CSGALNACT1: variants seen among roughly 807,000 people sequenced by gnomAD.
CSGALNACT1 encodes beta4GalNAcT-1.
Under a neutral mutation model 51.0 loss-of-function variants are expected in CSGALNACT1, and 52 were observed. The observed-to-expected ratio is 1.02, with a 90% CI of 0.82 to 1.29. The LOEUF (loss-of-function observed/expected upper bound fraction) is 1.29, where lower values mean the gene tolerates loss of function less well. Ranked by LOEUF, CSGALNACT1 falls within the 50% of genes most tolerant of loss-of-function variation. The probability of loss-of-function intolerance (pLI) is 0.00; values close to 1 mark genes in which losing one functional copy is unlikely to be tolerated. For missense variants in CSGALNACT1, 935 were observed against 679.2 expected (o/e 1.38, Z -4.19); for synonymous variants, 341 against 254.4 (o/e 1.34, Z -3.24).
chr8:19,471,972 C>T (rs2068293705), intron 4 of CSGALNACT1, among the ~76,000 whole-genome samples: 1 of 152,160 alleles, frequency 6.6e-6, no homozygotes, highest in Non-Finnish European at 1.5e-5. Flanking sequence ...TTTTCACCTT[C>T]ACTTCCTATT....
chr8:19,730,293 G>A lies in CSGALNACT1; in HGVS notation c.-297+27557C>T, dbSNP rs928827358. Among the ~76,000 whole-genome samples the A allele has an allele frequency of 2.6e-5, 4 of 152,134 alleles. No homozygotes were observed. In the East Asian group the frequency reaches 5.8e-4, roughly 22 times the overall value. ...TGAAGACCAAGATAGAACAACACTCGGGGAATAGGACACGTAGCTCCCTGG... is the reference window on the plus strand; with the variant it reads ...TGAAGACCAAGATAGAACAACACTCAGGGAATAGGACACGTAGCTCCCTGG... On this transcript the variant is annotated intron_variant, in intron 1 of 1. Transcript: ENST00000517494.
At chr8:19,584,590 T>G (rs984989660) in intron 3 of CSGALNACT1, among the ~76,000 whole-genome samples, 2 of 152,236 alleles carry the variant, frequency 1.3e-5, no homozygotes, top group African/African-American at 4.8e-5. Context: ...GCATAAAGTA[T>G]TGCTAATAAA....
chr8:19,469,775 G>A (rs558485767), intron 4 of CSGALNACT1, among the ~76,000 whole-genome samples: 4 of 152,168 alleles, frequency 2.6e-5, no homozygotes, highest in Non-Finnish European at 4.4e-5. Flanking sequence ...CTTTTCACAC[G>A]ACCCCATTCT....
chr8:19,427,679 T>G (rs915387347), intron 6 of CSGALNACT1, among the ~76,000 whole-genome samples: 1 of 152,066 alleles, frequency 6.6e-6, no homozygotes, highest in East Asian at 1.9e-4. Flanking sequence ...TCCCAGCTAC[T>G]TGGGAGGCTG....
intron 1 of CSGALNACT1, among the ~76,000 whole-genome samples, chr8:19,628,737 TC>T (rs1441334723): frequency 3.3e-5 from 5 of 152,000 alleles, no homozygotes; most frequent in Non-Finnish European, 7.4e-5. Context: ...CGCTTCAGTC[TC>T]CCAAAGTGCT....
intron 4 of CSGALNACT1, among the ~76,000 whole-genome samples, chr8:19,467,955 C>T (rs577410478): frequency 6.6e-6 from 1 of 152,334 alleles, no homozygotes; most frequent in East Asian, 1.9e-4. Flanking sequence ...TGCTGCACTC[C>T]AGCCTCAGCA....
intron 1 of CSGALNACT1, among the ~76,000 whole-genome samples, chr8:19,611,311 A>G (rs1392436356): frequency 6.6e-6 from 1 of 152,146 alleles, no homozygotes; most frequent in African/African-American, 2.4e-5. Context: ...TTTCCTTAAG[A>G]TTTTTTTAAG....
chr8:19,635,971 C>T (rs1379917319), intron 1 of CSGALNACT1, among the ~76,000 whole-genome samples: 1 of 152,192 alleles, frequency 6.6e-6, no homozygotes, highest in Admixed American at 6.5e-5. Context: ...CTCAGATGAT[C>T]CACCTGCCTT....
chr8:19,474,891 A>G (rs1160268430), intron 4 of CSGALNACT1, among the ~76,000 whole-genome samples: 1 of 150,340 alleles, frequency 6.7e-6, no homozygotes, highest in Non-Finnish European at 1.5e-5. Flanking sequence ...AAAAAAGAAA[A>G]AAAAAAGAAA....
At chr8:19,549,656 CTTTTTTTTTTT>C (rs542956513) in intron 3 of CSGALNACT1, among the ~76,000 whole-genome samples, 3 of 83,468 alleles carry the variant, frequency 3.6e-5, no homozygotes, top group East Asian at 7.5e-4. Context: ...CAATTTCCTA[CTTTTTTTTTTT>C]TTTTTTTTTT....
chr8:19,725,532 C>A (rs906386489), intron 1 of CSGALNACT1, among the ~76,000 whole-genome samples: 1 of 148,570 alleles, frequency 6.7e-6, no homozygotes. Flanking sequence ...TCAAGCGATT[C>A]TCCTGCCTCA....
At chr8:19,440,553 T>C (rs1337742208) in intron 5 of CSGALNACT1, among the ~76,000 whole-genome samples, 2 of 152,226 alleles carry the variant, frequency 1.3e-5, no homozygotes, top group South Asian at 2.1e-4. Flanking sequence ...AATTAGGTAT[T>C]GATGGGACGT....
rs137879010 is a variant in CSGALNACT1, at chr8:19,519,111, G to A, written c.-296-12981C>T. Among the ~76,000 whole-genome samples the A allele has an allele frequency of 6.0e-3, 911 of 152,228 alleles. 4 individuals carry two copies. The highest frequency in any genetic ancestry group is 0.017 in the Middle Eastern group (5 of 294). On this transcript the variant is annotated intron_variant, in intron 3 of 9. Transcript: ENST00000454498. ...TCTCCAAGAACAAACATTATGGAAA[G>A]CCCAATTCATTAAAAGATACAGGTA... is the stretch of plus-strand genomic sequence containing the variant.
chr8:19,617,232 G>A (rs1184996686), intron 1 of CSGALNACT1, among the ~76,000 whole-genome samples: 2 of 152,210 alleles, frequency 1.3e-5, no homozygotes, highest in Non-Finnish European at 2.9e-5. Flanking sequence ...AGCTTAAGCA[G>A]TGATGCAAGT....
At chr8:19,477,254 G>A (rs1253825443) in intron 4 of CSGALNACT1, among the ~76,000 whole-genome samples, 1 of 152,174 alleles carries the variant, frequency 6.6e-6, no homozygotes. Context: ...AGGCCACTCA[G>A]GCTCCCCATA....
At chr8:19,557,785 G>C (rs2039801663) in intron 3 of CSGALNACT1, among the ~76,000 whole-genome samples, 1 of 151,912 alleles carries the variant, frequency 6.6e-6, no homozygotes, top group African/African-American at 2.4e-5. Flanking sequence ...CTCTTTGTTT[G>C]TTGTCAATCT....
At chr8:19,560,597 G>A (rs999862795) in intron 3 of CSGALNACT1, among the ~76,000 whole-genome samples, 6 of 152,266 alleles carry the variant, frequency 3.9e-5, no homozygotes, top group Non-Finnish European at 8.8e-5. Context: ...GGGGAAATCC[G>A]TGTGACCACA....
intron 3 of CSGALNACT1, among the ~76,000 whole-genome samples, chr8:19,556,064 G>A (rs1335652914): frequency 6.6e-6 from 1 of 152,140 alleles, no homozygotes; most frequent in Non-Finnish European, 1.5e-5. Context: ...AGCAACATTT[G>A]CATTAACAAA....
At chr8:19,519,940 G>A (rs926839459) in intron 3 of CSGALNACT1, among the ~76,000 whole-genome samples, 1 of 152,190 alleles carries the variant, frequency 6.6e-6, no homozygotes, top group Admixed American at 6.5e-5. Flanking sequence ...AGGATATCTG[G>A]GAACATTCCT....
Sources: allele counts gnomAD v4.1 joint callset (sites outside exome capture counted in the v4.1 genomes callset), GRCh38; gene constraint gnomAD v4.1.1; transcripts MANE v1.5; gene names NCBI Gene and HGNC (gene_info 2026-07-23, HGNC 2026-07-21).